The following SLC26A7 variants were observed in gnomAD, a reference collection of about 807,000 sequenced individuals.
The protein encoded by SLC26A7 is solute carrier family 26 member 7.
SLC26A7 carries 59 observed loss-of-function variants against 82.5 expected under a neutral mutation model. That is an observed-to-expected ratio of 0.72 (90% CI 0.58 to 0.89). The LOEUF (loss-of-function observed/expected upper bound fraction) is 0.89, where lower values mean the gene tolerates loss of function less well. Ranked by LOEUF, SLC26A7 falls within the 40% of genes least tolerant of loss-of-function variation. SLC26A7 has a pLI of 0.00. For synonymous variants in SLC26A7, 271 were observed against 274.3 expected (o/e 0.99, Z 0.12); for missense variants, 820 against 793.0 (o/e 1.03, Z -0.41).
At chr8:91,350,586 C>CAT (rs959800880) in intron 9 of SLC26A7, among the ~76,000 whole-genome samples, 1 of 151,928 alleles carries the variant, frequency 6.6e-6, no homozygotes, top group African/African-American at 2.4e-5. Context: ...TTCAGAAAGT[C>CAT]ATATATATGA....
intron 2 of SLC26A7, among the ~76,000 whole-genome samples, chr8:91,234,821 C>CTACT (rs1810366445): frequency 1.0e-5 from 1 of 99,342 alleles, no homozygotes; most frequent in African/African-American, 5.3e-5. Flanking sequence ...ACCTACCTAC[C>CTACT]TACCTACTTC....
At chr8:91,276,700 T>G (rs559562689) in intron 2 of SLC26A7, among the ~76,000 whole-genome samples, 2 of 152,290 alleles carry the variant, frequency 1.3e-5, no homozygotes, top group South Asian at 4.1e-4. Context: ...TCTACTTGGG[T>G]TAAAATTTGC....
chr8:91,297,579 G>T (rs1032071303), intron 4 of SLC26A7, among the ~76,000 whole-genome samples: 3 of 151,996 alleles, frequency 2.0e-5, no homozygotes, highest in African/African-American at 7.2e-5. Flanking sequence ...TCAAGCATCT[G>T]CTTTTCTTCC....
intron 11 of SLC26A7, among the ~76,000 whole-genome samples, chr8:91,356,438 G>A (rs1180901401): frequency 1.3e-5 from 2 of 151,972 alleles, no homozygotes; most frequent in East Asian, 1.9e-4. Flanking sequence ...GTGTGAGATG[G>A]TATCTCATTG....
At chr8:91,348,038 G>A (rs1563691904) in intron 9 of SLC26A7, among the ~76,000 whole-genome samples, 1 of 152,004 alleles carries the variant, frequency 6.6e-6, no homozygotes, top group Non-Finnish European at 1.5e-5. Flanking sequence ...GTATACCCAG[G>A]AGGGATGAGA....
chr8:91,374,013 G>C (rs137951499), intron 15 of SLC26A7, among the ~76,000 whole-genome samples: 1 of 151,928 alleles, frequency 6.6e-6, no homozygotes, highest in Non-Finnish European at 1.5e-5. Context: ...TTGTGTGCAT[G>C]GAGATGGTCA....
In SLC26A7 at chr8:91,249,610, C is replaced by G; in HGVS notation, c.-42C>G. 1 of 1,435,518 alleles carries G rather than the reference C, an allele frequency of 7.0e-7. No individual in the cohort carries two copies. Among genetic ancestry groups the G allele is most frequent in the Non-Finnish European group, 9.2e-7 (1 of 1,088,696 alleles). The allele number at this position is 1,435,518 out of a possible 1,614,324, so 88.9% of individuals were successfully genotyped here. On this transcript the variant is annotated 5_prime_UTR_variant, in exon 2 of 19. Transcript: ENST00000276609. ...GAGGTGTTCTGCAATGATTTTTTTT[C>G]TTGTTTAGAGAAGTTTACTTCTACA...
chr8:91,346,513 A>G (rs1175401057), intron 9 of SLC26A7, among the ~76,000 whole-genome samples: 1 of 152,192 alleles, frequency 6.6e-6, no homozygotes, highest in African/African-American at 2.4e-5. Flanking sequence ...TAGATGATAA[A>G]CAATCTTCAT....
chr8:91,223,819 C>T (rs1810197391), intron 2 of SLC26A7, among the ~76,000 whole-genome samples: 1 of 152,094 alleles, frequency 6.6e-6, no homozygotes, highest in African/African-American at 2.4e-5. Flanking sequence ...TCCAATCAAT[C>T]GTAGGTTCGG....
At chr8:91,390,229 G>C (rs1814923031) in intron 16 of SLC26A7, among the ~76,000 whole-genome samples, 2 of 150,918 alleles carry the variant, frequency 1.3e-5, no homozygotes, top group Admixed American at 1.3e-4. Flanking sequence ...CCATTCTCCT[G>C]CCTCAGCCTC....
At chr8:91,318,502 T>C in intron 5 of SLC26A7, 122 bp downstream of exon 5, 1 of 779,434 alleles carries the variant, frequency 1.3e-6, no homozygotes, top group South Asian at 2.7e-5. Context: ...AAATAAAATC[T>C]TATAGGATAT....
intron 1 of SLC26A7, among the ~76,000 whole-genome samples, chr8:91,211,727 A>C (rs958810271): frequency 2.6e-5 from 4 of 151,486 alleles, no homozygotes; most frequent in African/African-American, 9.7e-5. Flanking sequence ...TTTAGAGCAA[A>C]TACTTTATCA....
rs1258333460 is a variant in SLC26A7 at position 91,331,121 on chromosome 8, CTCATTTTACCTTAA to C, written c.643-3170_643-3157del. On this transcript the variant is annotated intron_variant, in intron 5 of 18. Coordinates refer to ENST00000276609, the MANE Select transcript of SLC26A7 (RefSeq NM_052832.4). ...TTGGATTAGGGCCCACCCATATGAT[CTCATTTTACCTTAA>C]TCACCTCTTTAAAGGCCCTGTCTCC... is the stretch of plus-strand genomic sequence containing the variant. Among the ~76,000 whole-genome samples the C allele has an allele frequency of 2.6e-5, 4 of 152,134 alleles. No homozygotes were observed. In the East Asian group the frequency reaches 7.7e-4, roughly 29 times the overall value.
At chr8:91,295,469 A>G in intron 3 of SLC26A7, 62 bp from the exon 4 acceptor site, 16 of 1,553,262 alleles carry the variant, frequency 1.0e-5, no homozygotes, top group Non-Finnish European at 1.3e-5. Flanking sequence ...GAATCCCACA[A>G]TTTTTATTGA....
intron 13 of SLC26A7, among the ~76,000 whole-genome samples, chr8:91,364,622 CA>C (rs1814140109): frequency 6.6e-6 from 1 of 152,296 alleles, no homozygotes; most frequent in African/African-American, 2.4e-5. Flanking sequence ...ATCCACACCA[CA>C]AGTACACATG....
At chr8:91,237,199 GTCTGATAAATGA>G (rs747276150) in intron 2 of SLC26A7, among the ~76,000 whole-genome samples, 1 of 152,194 alleles carries the variant, frequency 6.6e-6, no homozygotes, top group Non-Finnish European at 1.5e-5. Context: ...AAATTTGTGT[GTCTGATAAATGA>G]CTTTTTTACT....
intron 2 of SLC26A7, among the ~76,000 whole-genome samples, chr8:91,285,591 A>G (rs938702101): frequency 6.6e-6 from 1 of 152,280 alleles, no homozygotes; most frequent in African/African-American, 2.4e-5. Flanking sequence ...CCCATAAAGC[A>G]TAAAGAAGTG....
chr8:91,212,840 G>C (rs1809955638), intron 1 of SLC26A7, among the ~76,000 whole-genome samples: 1 of 152,080 alleles, frequency 6.6e-6, no homozygotes. Context: ...ATATTAAAAT[G>C]GATATATATT....
chr8:91,373,883 T>A (rs1163206688), intron 15 of SLC26A7, among the ~76,000 whole-genome samples: 1 of 151,918 alleles, frequency 6.6e-6, no homozygotes, highest in Non-Finnish European at 1.5e-5. Flanking sequence ...TAGTTTTTTT[T>A]ATTATGAATA....
Sources: gnomAD v4.1 joint callset for allele counts (sites outside exome capture counted in the v4.1 genomes callset) on GRCh38, gnomAD v4.1.1 for gene constraint, MANE v1.5 for transcripts, NCBI Gene and HGNC (gene_info 2026-07-23, HGNC 2026-07-21) for gene names.